Variants in MYO18B observed in about 807,000 individuals in gnomAD.
MYO18B encodes the protein myosin XVIIIB.
Under a neutral mutation model 273.0 loss-of-function variants are expected in MYO18B, and 204 were observed. The observed-to-expected ratio is 0.75, with a 90% CI of 0.67 to 0.84. The LOEUF (loss-of-function observed/expected upper bound fraction) is 0.84. Ranked by LOEUF, MYO18B falls within the 40% of genes least tolerant of loss-of-function variation. The probability of loss-of-function intolerance (pLI) is 0.00; values close to 1 mark genes in which losing one functional copy is unlikely to be tolerated. For missense variants in MYO18B, 3,212 were observed against 3,287.6 expected (o/e 0.98, Z 0.56); for synonymous variants, 1,330 against 1,305.7 (o/e 1.02, Z -0.40).
At position 25,925,934 on chromosome 22, in the gene MYO18B, G is replaced by A. The variant is rs539867253; in HGVS notation, c.5517+4525G>A. Among the ~76,000 whole-genome samples, 22 of 135,166 alleles carry A rather than the reference G, an allele frequency of 1.6e-4. No homozygotes were observed. In the East Asian group the frequency reaches 3.2e-3, roughly 20 times the overall value. The allele number at this position is 135,166 out of a possible 152,430, so 88.7% of individuals were successfully genotyped here. On this transcript the variant is annotated intron_variant, in intron 34 of 43. Transcript: ENST00000335473. ...AAAAAAAAAAAAAAAGGCCAGGTGC[G>A]GTGACTCACACCTGTAATCCCAGCA... is the stretch of plus-strand genomic sequence containing the variant.
At position 25,902,653 on chromosome 22, in the gene MYO18B, T is replaced by G; in HGVS notation, c.4864T>G (p.Phe1622Val). 1 of 1,604,538 alleles carries G rather than the reference T, an allele frequency of 6.2e-7. No homozygotes were observed. Among genetic ancestry groups the G allele is most frequent in the Non-Finnish European group, 8.5e-7 (1 of 1,175,534 alleles). ...GGCCCAGGCCCTAGGTGAGTCAGTG[T>G]TTGAGAAGGGTCTCCGTGAGAAAGT... ...QLAQALGESVFEKGLREKVTQ... is the reference protein window; with the variant it reads ...QLAQALGESVVEKGLREKVTQ... The change falls in exon 30 of 44, where the codon TTT becomes GTT. Residue 1622 changes from phenylalanine to valine, a missense_variant. Physicochemically the swap from Phe to Val is conservative, Grantham distance 50. Coordinates refer to ENST00000335473, the MANE Select transcript of MYO18B (RefSeq NM_032608.7).
intron 29 of MYO18B, among the ~76,000 whole-genome samples, chr22:25,901,808 T>G (rs2091942328): frequency 1.9e-5 from 1 of 51,428 alleles, no homozygotes; most frequent in African/African-American, 2.2e-4. Context: ...TTGGGTTGGT[T>G]TTTTTTTTTT....
At chr22:25,947,614 C>T (rs1247522686) in intron 35 of MYO18B, 98 bp from the exon 36 acceptor site, 1 of 804,190 alleles carries the variant, frequency 1.2e-6, no homozygotes, top group African/African-American at 1.7e-5. Context: ...ACTCACCTCA[C>T]ACACCTATAG....
rs11090420 is a variant in MYO18B at position 25,913,925 on chromosome 22, G to A, written c.5364+2875G>A. Among the ~76,000 whole-genome samples, 279 of 152,220 alleles carry A rather than the reference G, an allele frequency of 1.8e-3. 1 individual carries two copies. The highest frequency in any genetic ancestry group is 6.6e-3 in the African/African-American group (274 of 41,538). ...TATATCTTAAGATACTGTTCTTTGAGTTCACAAAAATGTCATCATGTGTCT... is the reference window on the plus strand; with the variant it reads ...TATATCTTAAGATACTGTTCTTTGAATTCACAAAAATGTCATCATGTGTCT... On this transcript the variant is annotated intron_variant, in intron 33 of 43. Transcript: ENST00000335473.
At chr22:26,051,216 C>CTTTT in the MYO18B span, among the ~76,000 whole-genome samples, 176 of 92,606 alleles carry the variant, frequency 1.9e-3, 4 homozygotes, top group African/African-American at 4.7e-3. Flanking sequence ...TAATTGGTCC[C>CTTTT]TTTTTTTTTT....
At chr22:25,999,640 T>TTTCTCCTCC (rs1933738722) in intron 40 of MYO18B, among the ~76,000 whole-genome samples, 1 of 96,042 alleles carries the variant, frequency 1.0e-5, no homozygotes, top group Non-Finnish European at 2.2e-5. Flanking sequence ...CTCCTCCTCC[T>TTTCTCCTCC]TTCTCCTCCT....
intron 20 of MYO18B, 131 bp downstream of exon 20, chr22:25,847,783 C>T: frequency 1.5e-6 from 1 of 671,466 alleles, no homozygotes; most frequent in South Asian, 1.9e-5. Context: ...GTTACTCTTC[C>T]CAGCAGTCTT....
At chr22:25,793,090 T>C (rs1254402506) in intron 11 of MYO18B, among the ~76,000 whole-genome samples, 1 of 152,108 alleles carries the variant, frequency 6.6e-6, no homozygotes, top group Non-Finnish European at 1.5e-5. Context: ...GGTGAAGGCA[T>C]GGAAGGAGAG....
At chr22:25,936,844 A>G (rs1023008941) in intron 34 of MYO18B, among the ~76,000 whole-genome samples, 1 of 152,036 alleles carries the variant, frequency 6.6e-6, no homozygotes, top group African/African-American at 2.4e-5. Flanking sequence ...TTCTAAGGGC[A>G]CGAATCTCAT....
the MYO18B span, among the ~76,000 whole-genome samples, chr22:26,062,232 A>G: frequency 6.1e-3 from 923 of 152,284 alleles, 23 homozygotes; most frequent in Admixed American, 0.031. Context: ...TCCTGCCATC[A>G]TCTTCAACAA....
chr22:25,837,476 G>A (rs1376984983), intron 17 of MYO18B, among the ~76,000 whole-genome samples: 1 of 152,206 alleles, frequency 6.6e-6, no homozygotes, highest in Admixed American at 6.5e-5. Flanking sequence ...ATTTGGCCTC[G>A]TTGAAGTCAT....
chr22:26,037,892 C>T, the MYO18B span, among the ~76,000 whole-genome samples: 2 of 152,182 alleles, frequency 1.3e-5, no homozygotes, highest in South Asian at 4.1e-4. Context: ...TGGACTAATA[C>T]CCCATACCTG....
At chr22:25,965,776 A>G (rs971428803) in intron 39 of MYO18B, among the ~76,000 whole-genome samples, 11 of 152,196 alleles carry the variant, frequency 7.2e-5, no homozygotes, top group Non-Finnish European at 1.3e-4. Flanking sequence ...TTAATCTTTA[A>G]TAATAGCTGT....
chr22:25,966,282 A>C (rs1267168826), intron 39 of MYO18B, among the ~76,000 whole-genome samples: 1 of 151,622 alleles, frequency 6.6e-6, no homozygotes, highest in Non-Finnish European at 1.5e-5. Context: ...ATTTGCTTTA[A>C]TTTTTTTCCA....
chr22:25,807,191 G>A (rs538346137), intron 12 of MYO18B, among the ~76,000 whole-genome samples: 2 of 152,314 alleles, frequency 1.3e-5, no homozygotes, highest in South Asian at 2.1e-4. Context: ...CTAGAGAACA[G>A]CAAGTTCAGA....
At chr22:25,803,967 A>AACACACACACACACACACAC (rs151023852) in intron 12 of MYO18B, among the ~76,000 whole-genome samples, 4 of 136,882 alleles carry the variant, frequency 2.9e-5, no homozygotes, top group African/African-American at 1.1e-4. Context: ...TGACCCAGTG[A>AACACACACACACACACACAC]ACACACACAC....
At chr22:26,033,447 GTTTAT>G (rs1569316595), downstream of MYO18B, among the ~76,000 whole-genome samples, 1 of 152,106 alleles carries the variant, frequency 6.6e-6, no homozygotes, top group Non-Finnish European at 1.5e-5. Context: ...TTTATAATAC[GTTTAT>G]TTTATGAAGC....
chr22:25,753,160 C>A (rs1445094214), intron 1 of MYO18B, among the ~76,000 whole-genome samples: 3 of 150,766 alleles, frequency 2.0e-5, no homozygotes, highest in Admixed American at 2.0e-4. Flanking sequence ...CTGATCAGTG[C>A]GGGAAGCTCA....
intron 43 of MYO18B, among the ~76,000 whole-genome samples, chr22:26,029,103 C>T (rs988200531): frequency 7.2e-5 from 11 of 152,158 alleles, no homozygotes; most frequent in African/African-American, 2.7e-4. Context: ...AGAATCCCTA[C>T]ATTTATCTTT....
Sources: gnomAD v4.1 joint callset for allele counts (sites outside exome capture counted in the v4.1 genomes callset) on GRCh38, gnomAD v4.1.1 for gene constraint, MANE v1.5 for transcripts, NCBI Gene and HGNC (gene_info 2026-07-23, HGNC 2026-07-21) for gene names.